PAK5: variants seen among roughly 807,000 people sequenced by gnomAD.
PAK5 encodes serine/threonine-protein kinase PAK 5.
In PAK5, 16 loss-of-function variants were observed where a neutral mutation model predicts 65.9. That is an observed-to-expected ratio of 0.24 (90% confidence interval 0.16 to 0.37). PAK5 has a LOEUF of 0.37. Ranked by LOEUF, PAK5 falls within the 10% of genes least tolerant of loss-of-function variation. The pLI, the probability that PAK5 is intolerant of heterozygous loss-of-function variation, is 1.00. For missense variants in PAK5, 785 were observed against 903.9 expected (o/e 0.87, Z 1.69); for synonymous variants, 371 against 354.9 (o/e 1.05, Z -0.51).
intron 1 of PAK5, among the ~76,000 whole-genome samples, chr20:9,770,842 C>T (rs1288410971): frequency 1.3e-5 from 2 of 152,052 alleles, no homozygotes; most frequent in Admixed American, 1.3e-4. Flanking sequence ...TCCTCAGTGC[C>T]AAGTTGGACA....
chr20:9,817,589 A>G (rs1324881720), intron 1 of PAK5, among the ~76,000 whole-genome samples: 1 of 152,206 alleles, frequency 6.6e-6, no homozygotes, highest in Non-Finnish European at 1.5e-5. Flanking sequence ...AAAAATATGT[A>G]GAAAGTAAAT....
chr20:9,731,633 A>T (rs2048335833), intron 1 of PAK5, among the ~76,000 whole-genome samples: 1 of 152,234 alleles, frequency 6.6e-6, no homozygotes, highest in African/African-American at 2.4e-5. Flanking sequence ...AAACATGTTG[A>T]TAGAAATTAT....
rs1388788450 is a variant in PAK5, at chr20:9,787,173, A to G, written c.-162+51589T>C. Among the ~76,000 whole-genome samples the G allele has an allele frequency of 7.2e-5, 11 of 152,206 alleles. No individual in the cohort carries two copies. The East Asian group carries it at 1.9e-3, about 27-fold the overall frequency. ...GAGCATGAAGTGAAACATTCTGCAG[A>G]TAAGAGAAATAAAGCATAGAGGGGT... On this transcript the variant is annotated intron_variant, in intron 1 of 9. Coordinates refer to ENST00000353224, the MANE Select transcript of PAK5 (RefSeq NM_177990.4).
chr20:9,756,754 A>G (rs113168443), intron 1 of PAK5, among the ~76,000 whole-genome samples: 3 of 152,158 alleles, frequency 2.0e-5, no homozygotes, highest in Admixed American at 6.6e-5. Flanking sequence ...AGTGTCTCAC[A>G]TTAAACTTTT....
intron 1 of PAK5, among the ~76,000 whole-genome samples, chr20:9,743,850 C>T (rs1254555623): frequency 4.6e-5 from 7 of 152,128 alleles, no homozygotes; most frequent in Non-Finnish European, 1.0e-4. Context: ...TAAGTTTTAC[C>T]TTACATGGCA....
Position 9,580,410 on chromosome 20 carries a change from G to C in PAK5, c.725C>G (p.Thr242Ser), listed in dbSNP as rs765805039. 6.2e-7 allele frequency: 1 copy of C among 1,614,036 alleles called. No individual in the cohort carries two copies. Among genetic ancestry groups the C allele is most frequent in the Non-Finnish European group, 8.5e-7 (1 of 1,180,006 alleles). ...FQFTPSRTAG[T>S]SGCSKESLAY... ...CAGGCTCTCCTTGGAGCACCCGCTG[G>C]TCCCTGCAGTTCTAGAAGGTGTGAA... Residue 242 changes from threonine (T) to serine (S), a missense_variant, in exon 4 of 10, where the codon ACC becomes AGC. Coordinates refer to ENST00000353224, the MANE Select transcript of PAK5 (RefSeq NM_177990.4).
At chr20:9,649,235 T>C (rs2047172919) in intron 2 of PAK5, among the ~76,000 whole-genome samples, 1 of 152,192 alleles carries the variant, frequency 6.6e-6, no homozygotes, top group Non-Finnish European at 1.5e-5. Flanking sequence ...CTAAATAAGT[T>C]TGGGAAAAAA....
intron 1 of PAK5, among the ~76,000 whole-genome samples, chr20:9,803,146 A>G (rs951142076): frequency 8.6e-5 from 13 of 151,334 alleles, no homozygotes; most frequent in Non-Finnish European, 1.9e-4. Context: ...CAAAAACAAG[A>G]AAAAAAACAA....
intron 3 of PAK5, among the ~76,000 whole-genome samples, chr20:9,643,759 C>G (rs1218343791): frequency 2.0e-5 from 3 of 152,018 alleles, no homozygotes; most frequent in Admixed American, 2.0e-4. Flanking sequence ...TGGAAAACAA[C>G]AAAAGGTGGT....
intron 2 of PAK5, among the ~76,000 whole-genome samples, chr20:9,699,685 T>TCTA (rs2047914907): frequency 6.6e-6 from 1 of 151,758 alleles, no homozygotes; most frequent in Non-Finnish European, 1.5e-5. Context: ...TAAAAAAAAC[T>TCTA]CTACATCTCT....
chr20:9,715,939 T>G (rs887185442), intron 1 of PAK5, among the ~76,000 whole-genome samples: 4 of 151,776 alleles, frequency 2.6e-5, no homozygotes, highest in African/African-American at 9.7e-5. Context: ...GAGATATACC[T>G]AATGTAAATG....
intron 2 of PAK5, among the ~76,000 whole-genome samples, chr20:9,678,095 G>A (rs182642968): frequency 6.6e-6 from 1 of 152,264 alleles, no homozygotes; most frequent in African/African-American, 2.4e-5. Flanking sequence ...CCTTCTCTAT[G>A]TTTCTGCTCT....
In PAK5 at chr20:9,542,733, C is replaced by T. The variant is rs2045286723; in HGVS notation, c.1870-13G>A. 1.2e-6 allele frequency: 2 copies of T among 1,612,158 alleles called. No homozygotes were observed. The highest frequency in any genetic ancestry group is 2.2e-5 in the East Asian group (1 of 44,856). ...ACCAGATGTCCACCTGTTAGGCACA[C>T]CCTACTGGTTATCTCAGGCAAGGAG... On this transcript the variant is annotated splice_polypyrimidine_tract_variant and intron_variant, in intron 8 of 9. Transcript: ENST00000353224.
In PAK5 at chr20:9,766,366, T is replaced by C. The variant is rs1275578650; in HGVS notation, c.-161-54931A>G. ...TATTCTACTTACTTGAATATATATATATATTCAAGCAGAATATATATGTAT... is the reference window on the plus strand; with the variant it reads ...TATTCTACTTACTTGAATATATATACATATTCAAGCAGAATATATATGTAT... On this transcript the variant is annotated intron_variant, in intron 1 of 9. Coordinates refer to ENST00000353224, the MANE Select transcript of PAK5 (RefSeq NM_177990.4). Among the ~76,000 whole-genome samples, 24 of 109,152 alleles carry C rather than the reference T, an allele frequency of 2.2e-4. 4 individuals carry two copies. The highest frequency in any genetic ancestry group is 8.7e-4 in the African/African-American group (24 of 27,738). The allele number at this position is 109,152 out of a possible 152,430, so 71.6% of individuals were successfully genotyped here. A position where few individuals can be genotyped will look rare whatever the true frequency, so the allele number is the denominator to read the frequency against.
intron 1 of PAK5, among the ~76,000 whole-genome samples, chr20:9,729,789 G>GTT (rs5840326): frequency 5.1e-4 from 78 of 151,472 alleles, no homozygotes; most frequent in Middle Eastern, 3.4e-3. Context: ...TTGTTTTTTT[G>GTT]TTTTTTTTAC....
chr20:9,600,881 C>T (rs1012283837), intron 3 of PAK5, among the ~76,000 whole-genome samples: 7 of 152,258 alleles, frequency 4.6e-5, no homozygotes, highest in South Asian at 2.1e-4. Context: ...CTCAAAGGAC[C>T]TTCTCTTCAT....
intron 7 of PAK5, among the ~76,000 whole-genome samples, chr20:9,550,731 GGTGTGTGTGT>G (rs111410496): frequency 1.3e-5 from 2 of 148,460 alleles, no homozygotes; most frequent in Non-Finnish European, 3.0e-5. Flanking sequence ...CCATAATTGT[GGTGTGTGTGT>G]GTGTGTGTGT....
intron 1 of PAK5, among the ~76,000 whole-genome samples, chr20:9,802,763 G>A (rs1018372811): frequency 1.1e-4 from 17 of 151,374 alleles, no homozygotes; most frequent in African/African-American, 3.6e-4. Context: ...CCATTTTTAG[G>A]AGTGGTTGAA....
intron 1 of PAK5, among the ~76,000 whole-genome samples, chr20:9,792,698 T>C (rs1885405407): frequency 6.6e-6 from 1 of 152,148 alleles, no homozygotes; most frequent in African/African-American, 2.4e-5. Flanking sequence ...GAGAATATAT[T>C]ACCATTTCAG....
Sources: gnomAD v4.1 joint callset for allele counts (sites outside exome capture counted in the v4.1 genomes callset) on GRCh38, gnomAD v4.1.1 for gene constraint, MANE v1.5 for transcripts, NCBI Gene and HGNC (gene_info 2026-07-23, HGNC 2026-07-21) for gene names.